Variants in CCDC178 observed in about 807,000 individuals in gnomAD.
CCDC178 encodes the protein coiled-coil domain-containing protein 178.
In CCDC178, 126 loss-of-function variants were observed where a neutral mutation model predicts 117.4. The ratio of observed to expected loss-of-function variants is 1.07; its 90% CI spans 0.93 to 1.24. CCDC178 has a LOEUF of 1.24. Among genes scored for constraint, CCDC178 ranks in the 50% most tolerant of loss-of-function variants. The pLI is 0.00. For missense variants in CCDC178, 1,030 were observed against 986.9 expected (o/e 1.04, Z -0.59); for synonymous variants, 283 against 313.4 (o/e 0.90, Z 1.02).
chr18:33,349,088 A>G (rs1384665901), intron 7 of CCDC178, 113 bp from the exon 8 acceptor site: 8 of 605,344 alleles, frequency 1.3e-5, no homozygotes, highest in African/African-American at 1.9e-5. Flanking sequence ...CTTACTATAC[A>G]AGATAATCTT....
At chr18:33,105,913 T>C (rs557094425) in intron 20 of CCDC178, among the ~76,000 whole-genome samples, 19 of 151,576 alleles carry the variant, frequency 1.3e-4, no homozygotes, top group African/African-American at 4.6e-4. Flanking sequence ...GAAATGACTG[T>C]AGTTGATTTT....
At chr18:33,169,232 C>T (rs2058568905) in intron 20 of CCDC178, among the ~76,000 whole-genome samples, 1 of 152,208 alleles carries the variant, frequency 6.6e-6, no homozygotes, top group African/African-American at 2.4e-5. Context: ...ACACCTGTTT[C>T]AGTTTCTCAA....
intron 20 of CCDC178, among the ~76,000 whole-genome samples, chr18:33,177,707 A>G (rs1313035884): frequency 1.3e-5 from 2 of 152,100 alleles, no homozygotes; most frequent in Non-Finnish European, 2.9e-5. Context: ...CTACCTTTCT[A>G]GTTTCTTTTC....
At chr18:33,398,344 T>C (rs2144852434) in intron 3 of CCDC178, among the ~76,000 whole-genome samples, 1 of 152,244 alleles carries the variant, frequency 6.6e-6, no homozygotes, top group South Asian at 2.1e-4. Flanking sequence ...GATAATTTTA[T>C]AAATATTTTA....
rs1174324978 is a variant in CCDC178, at chr18:33,109,965, G to T, written c.2239-17055C>A. Reference sequence around the variant, plus strand: ...TTGCTGCACATGTGCTCTAATTCCTGACATATGCATATGTTCAGCTCTAGT... The same window carrying T: ...TTGCTGCACATGTGCTCTAATTCCTTACATATGCATATGTTCAGCTCTAGT... On this transcript the variant is annotated intron_variant, in intron 20 of 22. Coordinates refer to ENST00000383096, the MANE Select transcript of CCDC178 (RefSeq NM_001105528.4). Among the ~76,000 whole-genome samples, 7 of 151,380 alleles carry T rather than the reference G, an allele frequency of 4.6e-5. No individual in the cohort carries two copies. In the East Asian group the frequency reaches 1.2e-3, roughly 25 times the overall value.
At chr18:33,189,915 C>A (rs2058838145) in intron 20 of CCDC178, among the ~76,000 whole-genome samples, 1 of 152,092 alleles carries the variant, frequency 6.6e-6, no homozygotes, top group African/African-American at 2.4e-5. Context: ...TGGGTGGTCA[C>A]CATGGTCATA....
chr18:33,438,559 C>A (rs1314233118), intron 2 of CCDC178, among the ~76,000 whole-genome samples: 1 of 151,898 alleles, frequency 6.6e-6, no homozygotes, highest in Non-Finnish European at 1.5e-5. Context: ...CACACACACA[C>A]ACACACAATT....
At chr18:33,253,158 G>A (rs1348355469) in intron 14 of CCDC178, among the ~76,000 whole-genome samples, 1 of 151,722 alleles carries the variant, frequency 6.6e-6, no homozygotes, top group East Asian at 1.9e-4. Flanking sequence ...CTTCTGCAAG[G>A]TAAACAATCA....
chr18:33,193,111 A>C (rs2058881514), intron 20 of CCDC178, among the ~76,000 whole-genome samples: 1 of 149,746 alleles, frequency 6.7e-6, no homozygotes, highest in African/African-American at 2.5e-5. Context: ...AAATACAAAA[A>C]AATTAGCCGG....
chr18:33,322,302 T>C (rs2062522451), intron 11 of CCDC178, among the ~76,000 whole-genome samples: 1 of 151,984 alleles, frequency 6.6e-6, no homozygotes, highest in Non-Finnish European at 1.5e-5. Flanking sequence ...TAGGTCTGTA[T>C]TGAGTCTGAT....
chr18:33,068,277 T>C (rs2057052354), intron 21 of CCDC178, among the ~76,000 whole-genome samples: 1 of 152,128 alleles, frequency 6.6e-6, no homozygotes, highest in Non-Finnish European at 1.5e-5. Context: ...CTTCTCACAG[T>C]ATTCAAAAAA....
Position 33,205,341 on chromosome 18 carries a change from TA to T in CCDC178, c.2238+6554del, listed in dbSNP as rs1339426064. Among the ~76,000 whole-genome samples the T allele has an allele frequency of 7.2e-5, 11 of 152,126 alleles. No homozygotes were observed. The East Asian group carries it at 1.9e-3, about 27-fold the overall frequency. ...CTAAAAAATAAGTCAGAAGAGTCAA[TA>T]ATAGAATGCAAAATTAAAGTACTGT... is the stretch of plus-strand genomic sequence containing the variant. On this transcript the variant is annotated intron_variant, in intron 20 of 22. Transcript: ENST00000383096.
intron 22 of CCDC178, among the ~76,000 whole-genome samples, chr18:32,946,603 G>A (rs2054354735): frequency 1.3e-5 from 2 of 151,936 alleles, no homozygotes; most frequent in Admixed American, 1.3e-4. Context: ...TTATATTTTA[G>A]AACCTAGTCC....
chr18:33,349,259 G>A (rs10775453), intron 7 of CCDC178, among the ~76,000 whole-genome samples: 22,572 of 151,788 alleles, frequency 0.15, 2,102 homozygotes, highest in East Asian at 0.31. Flanking sequence ...CCTAGAAAGT[G>A]TTTCTGTAAG....
chr18:33,247,042 G>T (rs1246531124), intron 14 of CCDC178, among the ~76,000 whole-genome samples: 1 of 150,782 alleles, frequency 6.6e-6, no homozygotes, highest in Non-Finnish European at 1.5e-5. Context: ...GTAGGAGAGA[G>T]AGGGGTGTAT....
chr18:33,248,337 T>C (rs937031917), intron 14 of CCDC178, among the ~76,000 whole-genome samples: 2 of 151,978 alleles, frequency 1.3e-5, no homozygotes, highest in Non-Finnish European at 2.9e-5. Flanking sequence ...GTTTGTTACA[T>C]ATGTATACAT....
At chr18:33,144,546 C>G (rs185914087) in intron 20 of CCDC178, among the ~76,000 whole-genome samples, 1 of 152,086 alleles carries the variant, frequency 6.6e-6, no homozygotes, top group East Asian at 1.9e-4. Context: ...AGCCTATTGT[C>G]ATTATGTCCG....
At chr18:32,944,083 A>G (rs1045323382) in intron 22 of CCDC178, among the ~76,000 whole-genome samples, 16 of 151,880 alleles carry the variant, frequency 1.1e-4, no homozygotes, top group Non-Finnish European at 1.9e-4. Flanking sequence ...TTTTTCAGGG[A>G]AGGATCCCCC....
At chr18:33,049,254 T>C (rs941950361) in intron 21 of CCDC178, among the ~76,000 whole-genome samples, 1 of 152,046 alleles carries the variant, frequency 6.6e-6, no homozygotes, top group Non-Finnish European at 1.5e-5. Flanking sequence ...ATGAAACATA[T>C]TGAGAAACTA....
Sources: gnomAD v4.1 joint callset for allele counts (sites outside exome capture counted in the v4.1 genomes callset) on GRCh38, gnomAD v4.1.1 for gene constraint, MANE v1.5 for transcripts, NCBI Gene and HGNC (gene_info 2026-07-23, HGNC 2026-07-21) for gene names.